Variants in PARP11 observed in about 807,000 individuals in gnomAD.
The protein encoded by PARP11 is poly(ADP-ribose) polymerase family member 11, also known as protein mono-ADP-ribosyltransferase PARP11.
PARP11 carries 31 observed loss-of-function variants against 42.9 expected under a neutral mutation model. That is an observed-to-expected ratio of 0.72 (90% CI 0.54 to 0.98). The LOEUF (loss-of-function observed/expected upper bound fraction) is 0.98, where lower values mean the gene tolerates loss of function less well. Among genes scored for constraint, PARP11 ranks in the 50% least tolerant of loss-of-function variants. The pLI is 0.00. For synonymous variants in PARP11, 137 were observed against 127.3 expected, an observed-to-expected ratio of 1.08 and a Z score of -0.51; for missense variants, 365 against 413.1, an observed-to-expected ratio of 0.88 and a Z score of 1.01.
chr12:3,843,121 C>A (rs1304715894), intron 1 of PARP11, among the ~76,000 whole-genome samples: 4 of 152,054 alleles, frequency 2.6e-5, no homozygotes, highest in African/African-American at 4.8e-5. Flanking sequence ...CATAAGGCAG[C>A]CTATTAACTG....
chr12:3,818,323 C>T (rs1352792499), intron 6 of PARP11, among the ~76,000 whole-genome samples: 1 of 152,196 alleles, frequency 6.6e-6, no homozygotes, highest in African/African-American at 2.4e-5. Context: ...GAAAAGAACT[C>T]CTTAACCTAA....
chr12:3,825,482 G>C (rs551872531), intron 4 of PARP11, among the ~76,000 whole-genome samples: 3 of 152,022 alleles, frequency 2.0e-5, no homozygotes, highest in Non-Finnish European at 4.4e-5. Context: ...TAATTCTTAC[G>C]GCCCCAGTAA....
At chr12:3,827,875 A>G (rs1947559297) in intron 3 of PARP11, among the ~76,000 whole-genome samples, 1 of 152,210 alleles carries the variant, frequency 6.6e-6, no homozygotes, top group African/African-American at 2.4e-5. Flanking sequence ...AAGAACAGCT[A>G]AAGGACCAAG....
intron 1 of PARP11, chr12:3,842,003 G>A (rs1482587345): frequency 1.3e-5 from 21 of 1,610,850 alleles, no homozygotes; most frequent in East Asian, 2.2e-5. Flanking sequence ...TCCCAGACAC[G>A]AAAGGCAGAT....
chr12:3,839,356 C>G (rs1385489197), intron 1 of PARP11: 3 of 1,537,328 alleles, frequency 2.0e-6, no homozygotes, highest in African/African-American at 1.4e-5. Flanking sequence ...CGCGGGGCCC[C>G]GCGAGGACGC....
intron 1 of PARP11, among the ~76,000 whole-genome samples, chr12:3,833,748 G>C (rs565418251): frequency 1.2e-4 from 18 of 152,334 alleles, no homozygotes; most frequent in African/African-American, 4.1e-4. Flanking sequence ...ACAAGTCAGA[G>C]TCTGTGGCGT....
chr12:3,860,695 T>C (rs571159483), intron 1 of PARP11, among the ~76,000 whole-genome samples: 1 of 152,342 alleles, frequency 6.6e-6, no homozygotes, highest in East Asian at 1.9e-4. Flanking sequence ...GGTCTTGCTC[T>C]GTTGTCTTGC....
At position 3,839,345 on chromosome 12, in the gene PARP11, G is replaced by A; in HGVS notation, c.19-9327C>T. The A allele has an allele frequency of 2.0e-6, 3 of 1,534,614 alleles. No homozygotes were observed. In the Admixed American group the frequency reaches 5.9e-5, roughly 30 times the overall value. On this transcript the variant is annotated intron_variant, in intron 1 of 7. Coordinates refer to ENST00000228820, the MANE Select transcript of PARP11 (RefSeq NM_020367.6). Reference sequence around the variant, plus strand: ...GTCCCCGACGGCGAGGACCAGGGCGGCGCGGGGCCCCGCGAGGACGCGACG... The same window carrying A: ...GTCCCCGACGGCGAGGACCAGGGCGACGCGGGGCCCCGCGAGGACGCGACG...
chr12:3,818,074 T>C (rs1255030704), intron 6 of PARP11, among the ~76,000 whole-genome samples: 3 of 152,230 alleles, frequency 2.0e-5, no homozygotes, highest in Non-Finnish European at 2.9e-5. Flanking sequence ...CTTACATTTG[T>C]ACTGCTGAAG....
rs558603489 is a variant in PARP11 at position 3,855,705 on chromosome 12, G to A, written c.18+17507C>T. On this transcript the variant is annotated intron_variant, in intron 1 of 7. Coordinates refer to ENST00000228820, the MANE Select transcript of PARP11 (RefSeq NM_020367.6). ...CGTGAAAATGGCCATACTGCCCAAG[G>A]TAATTTATAGATTCAATGCCATCCC... Among the ~76,000 whole-genome samples the A allele has an allele frequency of 3.3e-5, 5 of 152,184 alleles. No individual in the cohort carries two copies. The South Asian group carries it at 1.0e-3, about 32-fold the overall frequency.
chr12:3,816,290 A>G (rs1231808220), intron 6 of PARP11, among the ~76,000 whole-genome samples: 1 of 152,222 alleles, frequency 6.6e-6, no homozygotes, highest in African/African-American at 2.4e-5. Context: ...TCAACAAATA[A>G]GCTACCCCTT....
chr12:3,826,199 C>T lies in PARP11; in HGVS notation c.303G>A (p.Gln101=). 6.2e-7 allele frequency: 1 copy of T among 1,600,416 alleles called. No individual in the cohort carries two copies. The highest frequency in any genetic ancestry group is 8.5e-7 in the Non-Finnish European group (1 of 1,175,938). ...AAAAGGGGGCTCTTTTTATTAAGCG[C>T]TGCTTTCCAGTGGTGAGATTCATTT... ...MKQMNLTTGK[Q]RLIKRAPFSI... The change falls in exon 4 of 8, where the codon CAG becomes CAA. Residue 101 remains glutamine, a synonymous_variant. Coordinates refer to ENST00000228820, the MANE Select transcript of PARP11 (RefSeq NM_020367.6).
intron 1 of PARP11, chr12:3,871,883 ATCTCCTGCCCTTCTG>A (rs1410098754): frequency 3.3e-5 from 5 of 152,182 alleles, no homozygotes; most frequent in Non-Finnish European, 7.3e-5. Context: ...TCTCCCTCTG[ATCTCCTGCCCTTCTG>A]TCTCCTGCCC....
rs553081572 is a variant in PARP11, at chr12:3,831,621, G to A, written c.19-1603C>T. Among the ~76,000 whole-genome samples, 8 of 152,096 alleles carry A rather than the reference G, an allele frequency of 5.3e-5. No individual in the cohort carries two copies. In the East Asian group the frequency reaches 1.5e-3, roughly 29 times the overall value. Reference sequence around the variant, plus strand: ...TGCCTGACCTCAATGAAGGGGGTTTGTTATTTTTTATATATGTTTGGAAAC... The same window carrying A: ...TGCCTGACCTCAATGAAGGGGGTTTATTATTTTTTATATATGTTTGGAAAC... On this transcript the variant is annotated intron_variant, in intron 1 of 7. Coordinates refer to ENST00000228820, the MANE Select transcript of PARP11 (RefSeq NM_020367.6).
intron 1 of PARP11, among the ~76,000 whole-genome samples, chr12:3,863,685 G>A (rs1948339183): frequency 6.6e-6 from 1 of 152,178 alleles, no homozygotes; most frequent in African/African-American, 2.4e-5. Context: ...TCCCTTCCCG[G>A]TGCAGTCACA....
At chr12:3,828,791 TAAC>T in intron 3 of PARP11, 116 bp downstream of exon 3, 1 of 834,680 alleles carries the variant, frequency 1.2e-6, no homozygotes, top group Non-Finnish European at 1.8e-6. Context: ...TTTTTGTATA[TAAC>T]AAAAAAGATA....
intron 1 of PARP11, among the ~76,000 whole-genome samples, chr12:3,857,052 C>T (rs1948204000): frequency 6.6e-6 from 1 of 151,662 alleles, no homozygotes; most frequent in Non-Finnish European, 1.5e-5. Context: ...ACCGCACGTT[C>T]TCACTCATAA....
chr12:3,873,072 C>T, intron 1 of PARP11, 140 bp downstream of exon 1: 1 of 850,806 alleles, frequency 1.2e-6, no homozygotes, highest in Non-Finnish European at 2.0e-6. Flanking sequence ...CTACAGAAGC[C>T]AAAAGGCCCG....
chr12:3,816,704 A>C (rs1486631932), intron 6 of PARP11, among the ~76,000 whole-genome samples: 1 of 152,184 alleles, frequency 6.6e-6, no homozygotes, highest in African/African-American at 2.4e-5. Context: ...ATCTGCAATG[A>C]CTAGAATCCA....
Sources: gnomAD v4.1 joint callset for allele counts (sites outside exome capture counted in the v4.1 genomes callset) on GRCh38, gnomAD v4.1.1 for gene constraint, MANE v1.5 for transcripts, NCBI Gene and HGNC (gene_info 2026-07-23, HGNC 2026-07-21) for gene names.